ZNF407: variants seen among roughly 807,000 people sequenced by gnomAD.
ZNF407 encodes the protein zinc finger protein 407.
Under a neutral mutation model 131.2 loss-of-function variants are expected in ZNF407, and 17 were observed. That is an observed-to-expected ratio of 0.13 (90% confidence interval 0.09 to 0.19). ZNF407 has a LOEUF of 0.19. Among genes scored for constraint, ZNF407 ranks in the 10% least tolerant of loss-of-function variants. The pLI is 1.00. For synonymous variants in ZNF407, 1,156 were observed against 1,062.0 expected, an observed-to-expected ratio of 1.09 and a Z score of -1.72; for missense variants, 2,681 against 2,830.6, an observed-to-expected ratio of 0.95 and a Z score of 1.20.
chr18:74,632,157 A>C lies in ZNF407; in HGVS notation c.1138A>C (p.Arg380=). 1.2e-6 allele frequency: 2 copies of C among 1,614,038 alleles called. No homozygotes were observed. Among genetic ancestry groups the C allele is most frequent in the South Asian group, 1.1e-5 (1 of 91,088 alleles). Residue 380 remains arginine, a synonymous_variant, in exon 2 of 9, where the codon AGA becomes CGA. Coordinates refer to ENST00000299687, the MANE Select transcript of ZNF407 (RefSeq NM_017757.3). Reference sequence around the variant, plus strand: ...AGCTCAGAATCCTGAAAACCAGAGTAGAAAGCTAGACACCTTAGTAACCTC... The same window carrying C: ...AGCTCAGAATCCTGAAAACCAGAGTCGAAAGCTAGACACCTTAGTAACCTC... ...GLAQNPENQS[R]KLDTLVTSEG...
chr18:74,739,226 T>C (rs1968491769), intron 3 of ZNF407, among the ~76,000 whole-genome samples: 1 of 151,432 alleles, frequency 6.6e-6, no homozygotes, highest in African/African-American at 2.4e-5. Context: ...GTATTTGAAT[T>C]TAGGCATATC....
intron 3 of ZNF407, among the ~76,000 whole-genome samples, chr18:74,759,919 A>G (rs1969055873): frequency 6.7e-6 from 1 of 149,986 alleles, no homozygotes; most frequent in African/African-American, 2.5e-5. Flanking sequence ...CCCCCAGTAT[A>G]TAGGCCATAT....
chr18:74,820,607 C>G (rs898597388), intron 4 of ZNF407, among the ~76,000 whole-genome samples: 11 of 152,204 alleles, frequency 7.2e-5, no homozygotes, highest in Admixed American at 2.6e-4. Flanking sequence ...TACCTATGCT[C>G]TTTTATTTCA....
At chr18:74,811,087 A>C (rs1970187438) in intron 4 of ZNF407, among the ~76,000 whole-genome samples, 1 of 152,142 alleles carries the variant, frequency 6.6e-6, no homozygotes. Flanking sequence ...GTGAACAGGC[A>C]ACCTACAAAA....
At chr18:74,836,062 T>G (rs1260921155) in intron 4 of ZNF407, among the ~76,000 whole-genome samples, 1 of 151,080 alleles carries the variant, frequency 6.6e-6, no homozygotes, top group African/African-American at 2.4e-5. Flanking sequence ...TGTGTGCTTC[T>G]AGAAGCTTCG....
chr18:74,729,753 C>T (rs1259763622), intron 3 of ZNF407, among the ~76,000 whole-genome samples: 4 of 151,832 alleles, frequency 2.6e-5, no homozygotes, highest in Admixed American at 6.6e-5. Flanking sequence ...GGAGTATTTG[C>T]CTTTATTCAG....
chr18:75,012,643 C>T (rs1317188214), intron 8 of ZNF407, among the ~76,000 whole-genome samples: 1 of 151,516 alleles, frequency 6.6e-6, no homozygotes, highest in East Asian at 1.9e-4. Context: ...CCATCACGCA[C>T]CTTGGTAGAA....
intron 2 of ZNF407, among the ~76,000 whole-genome samples, chr18:74,636,425 A>G (rs1984467290): frequency 2.6e-5 from 4 of 152,214 alleles, no homozygotes; most frequent in African/African-American, 7.2e-5. Flanking sequence ...TAAACCTGCC[A>G]TACATTCTTT....
At chr18:74,665,643 A>G in intron 3 of ZNF407, among the ~76,000 whole-genome samples, 1 of 152,230 alleles carries the variant, frequency 6.6e-6, no homozygotes, top group East Asian at 1.9e-4. Flanking sequence ...TGTAATGTCA[A>G]TTTTGAATTT....
intron 4 of ZNF407, among the ~76,000 whole-genome samples, chr18:74,812,902 T>C (rs1970217264): frequency 6.6e-6 from 1 of 152,224 alleles, no homozygotes; most frequent in African/African-American, 2.4e-5. Context: ...TATTTTGTTA[T>C]TTGGTTCTAA....
chr18:74,695,201 T>C lies in ZNF407; in HGVS notation c.4802+54079T>C, dbSNP rs1343374273. On this transcript the variant is annotated intron_variant, in intron 3 of 8. Transcript: ENST00000299687. ...AAGGATTGCTCTTGGATAAGCGATATGGAAGATTTAGAAAAAAAATAAGTA... is the reference window on the plus strand; with the variant it reads ...AAGGATTGCTCTTGGATAAGCGATACGGAAGATTTAGAAAAAAAATAAGTA... 2.0e-5 allele frequency among the ~76,000 whole-genome samples: 3 copies of C among 152,204 alleles called. No homozygotes were observed. In the East Asian group the frequency reaches 5.8e-4, roughly 29 times the overall value.
intron 4 of ZNF407, among the ~76,000 whole-genome samples, chr18:74,825,945 T>A (rs1433347421): frequency 6.6e-6 from 1 of 152,194 alleles, no homozygotes; most frequent in African/African-American, 2.4e-5. Flanking sequence ...AAAGCATCTG[T>A]CTATAAGAGC....
chr18:75,042,280 T>C (rs2122242535), intron 8 of ZNF407, among the ~76,000 whole-genome samples: 1 of 152,296 alleles, frequency 6.6e-6, no homozygotes, highest in Non-Finnish European at 1.5e-5. Context: ...TTTGTACTTA[T>C]TATACTTCAG....
Position 74,633,834 on chromosome 18 carries a change from G to A in ZNF407, c.2815G>A (p.Val939Met). The part of the protein sequence containing the change: ...EAGKKNAGSA[V>M]TMSDEHANKP... ...TGGTAAAAAGAATGCTGGCTCAGCA[G>A]TGACCATGTCAGATGAACATGCTAA... Residue 939 changes from valine to methionine, a missense_variant, in exon 2 of 9, where the codon GTG becomes ATG. Val to Met is a conservative substitution (Grantham distance 21). Coordinates refer to ENST00000299687, the MANE Select transcript of ZNF407 (RefSeq NM_017757.3). The A allele has an allele frequency of 6.2e-7, 1 of 1,614,012 alleles. No homozygotes were observed. The highest frequency in any genetic ancestry group is 8.5e-7 in the Non-Finnish European group (1 of 1,179,898).
At chr18:74,845,438 C>A (rs560089347) in intron 4 of ZNF407, among the ~76,000 whole-genome samples, 2 of 152,254 alleles carry the variant, frequency 1.3e-5, no homozygotes, top group South Asian at 4.1e-4. Context: ...AATTATTTAA[C>A]CTTTTTCATT....
At chr18:74,892,648 A>T (rs1230979025) in intron 7 of ZNF407, among the ~76,000 whole-genome samples, 1 of 152,228 alleles carries the variant, frequency 6.6e-6, no homozygotes, top group Non-Finnish European at 1.5e-5. Flanking sequence ...CTTAAAAAAC[A>T]GTTTTTGAAG....
intron 1 of ZNF407, among the ~76,000 whole-genome samples, chr18:74,622,958 G>A (rs1983596643): frequency 6.6e-6 from 1 of 152,114 alleles, no homozygotes; most frequent in Non-Finnish European, 1.5e-5. Context: ...GTGTGTCAGT[G>A]TATCTGAGTG....
intron 6 of ZNF407, among the ~76,000 whole-genome samples, chr18:74,888,411 A>G (rs1971340140): frequency 6.6e-6 from 1 of 152,162 alleles, no homozygotes; most frequent in African/African-American, 2.4e-5. Context: ...AAATTATTAT[A>G]ATTTCTACAT....
At chr18:75,046,180 G>C (rs1973433409) in intron 8 of ZNF407, among the ~76,000 whole-genome samples, 1 of 152,120 alleles carries the variant, frequency 6.6e-6, no homozygotes, top group Non-Finnish European at 1.5e-5. Context: ...TTGTGGAGGT[G>C]GAGGTATGTT....
Sources: allele counts gnomAD v4.1 joint callset (sites outside exome capture counted in the v4.1 genomes callset), GRCh38; gene constraint gnomAD v4.1.1; transcripts MANE v1.5; gene names NCBI Gene and HGNC (gene_info 2026-07-23, HGNC 2026-07-21).